PPP2R1B: variants seen among roughly 807,000 people sequenced by gnomAD.
The protein encoded by PPP2R1B is serine/threonine-protein phosphatase 2A 65 kDa regulatory subunit A beta isoform.
Under a neutral mutation model 72.7 loss-of-function variants are expected in PPP2R1B, and 58 were observed. The observed-to-expected ratio is 0.80, with a 90% CI of 0.65 to 0.99. The LOEUF (loss-of-function observed/expected upper bound fraction) is 0.99. Among genes scored for constraint, PPP2R1B ranks in the 50% least tolerant of loss-of-function variants. The pLI, the probability that PPP2R1B is intolerant of heterozygous loss-of-function variation, is 0.00. For missense variants in PPP2R1B, 695 were observed against 733.6 expected, an observed-to-expected ratio of 0.95 and a Z score of 0.61; for synonymous variants, 256 against 264.6, an observed-to-expected ratio of 0.97 and a Z score of 0.32.
At chr11:111,754,161 C>G (rs1384140079) in intron 8 of PPP2R1B, among the ~76,000 whole-genome samples, 1 of 152,182 alleles carries the variant, frequency 6.6e-6, no homozygotes, top group Non-Finnish European at 1.5e-5. Flanking sequence ...AAGAAATCCT[C>G]CCACCTCAGC....
the PPP2R1B span, chr11:111,703,267 A>G: frequency 6.2e-7 from 1 of 1,614,212 alleles, no homozygotes; most frequent in Non-Finnish European, 8.5e-7. Flanking sequence ...CCATAGCCCA[A>G]ATCAAGGAGC....
At position 111,766,307 on chromosome 11, in the gene PPP2R1B, C is replaced by T. The variant is rs1945539790; in HGVS notation, c.55G>A (p.Asp19Asn). 4 of 1,574,672 alleles carry T rather than the reference C, an allele frequency of 2.5e-6. No homozygotes were observed. Among genetic ancestry groups the T allele is most frequent in the Non-Finnish European group, 3.4e-6 (4 of 1,163,812 alleles). ...TGPGAAGGDGDDSLYPIAVLI... is the reference protein window; with the variant it reads ...TGPGAAGGDGNDSLYPIAVLI... ...ACCGCGATCGGGTATAGCGAATCAT[C>T]TCCATCTCCACCCGCTGCTCCTGGG... Residue 19 changes from aspartate to asparagine, a missense_variant, in exon 1 of 15, where the codon GAT becomes AAT. Transcript: ENST00000527614.
Position 111,759,938 on chromosome 11 carries a change from AG to A in PPP2R1B, c.552del (p.Leu185CysfsTer26). 6.2e-7 allele frequency: 1 copy of A among 1,613,992 alleles called. No individual in the cohort carries two copies. The highest frequency in any genetic ancestry group is 1.1e-5 in the South Asian group (1 of 91,018). On this transcript the variant is annotated frameshift_variant, in exon 5 of 15. Transcript: ENST00000527614. LOFTEE classifies it high-confidence loss of function. ...ACCATTGGTGTGTCATCTGAGCACAAGGAACGGAATTGCCTGCAACATAAAA... is the reference window on the plus strand; with the variant it reads ...ACCATTGGTGTGTCATCTGAGCACAAGAACGGAATTGCCTGCAACATAAAA... Reference protein sequence around the residue: ...VKAEIRQQFRSLCSDDTPMVR... With the variant: ...VKAEIRQQFRXLCSDDTPMVR...
chr11:111,759,639 A>G (rs1555050640), intron 5 of PPP2R1B, among the ~76,000 whole-genome samples, 165 bp downstream of exon 5: 3 of 152,242 alleles, frequency 2.0e-5, no homozygotes, highest in Non-Finnish European at 4.4e-5. Context: ...TAAGAAAGAA[A>G]CATAAGAACA....
At chr11:111,722,055 T>A, downstream of PPP2R1B, 1 of 682,778 alleles carries the variant, frequency 1.5e-6, no homozygotes, top group Non-Finnish European at 2.3e-6. The surrounding 1 kb of genome is among the most constrained non-coding windows in gnomAD (Gnocchi z 4.4). Context: ...TGATTCCTTA[T>A]AGGCAAGTAG....
At chr11:111,718,574 GCAAA>G in the PPP2R1B span, among the ~76,000 whole-genome samples, 1 of 152,226 alleles carries the variant, frequency 6.6e-6, no homozygotes, top group African/African-American at 2.4e-5. Flanking sequence ...CCTCCCTGCA[GCAAA>G]CAAAGATCTG....
chr11:111,695,501 T>C, the PPP2R1B span, among the ~76,000 whole-genome samples: 1 of 152,242 alleles, frequency 6.6e-6, no homozygotes, highest in South Asian at 2.1e-4. Flanking sequence ...ATTTAGCAAG[T>C]GTAATCTTTT....
downstream of PPP2R1B, among the ~76,000 whole-genome samples, chr11:111,722,459 A>G (rs1943830622): frequency 6.6e-6 from 1 of 152,170 alleles, no homozygotes; most frequent in Non-Finnish European, 1.5e-5. This position sits in a 1 kb window ranked among gnomAD's most constrained non-coding sequence, Gnocchi z 4.4. Context: ...ATGGAGTGGA[A>G]AAAGGAAGTA....
chr11:111,697,294 AG>A, the PPP2R1B span, among the ~76,000 whole-genome samples: 2 of 152,236 alleles, frequency 1.3e-5, no homozygotes, highest in Non-Finnish European at 2.9e-5. Context: ...CACTTTTAAG[AG>A]GTGGGAACAA....
intron 5 of PPP2R1B, among the ~76,000 whole-genome samples, chr11:111,759,230 G>A (rs1945236420): frequency 6.6e-6 from 1 of 152,138 alleles, no homozygotes; most frequent in African/African-American, 2.4e-5. Flanking sequence ...ATCTCATGGG[G>A]CTGTTGTAAG....
chr11:111,707,156 A>G, the PPP2R1B span, among the ~76,000 whole-genome samples: 3 of 152,144 alleles, frequency 2.0e-5, no homozygotes, highest in Non-Finnish European at 4.4e-5. Context: ...CCTTCTTGCA[A>G]ATGCCACTAG....
chr11:111,714,421 C>T, the PPP2R1B span, among the ~76,000 whole-genome samples: 2 of 152,198 alleles, frequency 1.3e-5, no homozygotes, highest in South Asian at 2.1e-4. Context: ...AGCAAGGAAG[C>T]TCTGGGATCC....
chr11:111,757,862 T>C (rs1555050175), intron 5 of PPP2R1B, among the ~76,000 whole-genome samples: 2 of 151,670 alleles, frequency 1.3e-5, no homozygotes, highest in Non-Finnish European at 2.9e-5. Context: ...AAATTACTTC[T>C]CTTCCAGAAC....
chr11:111,691,474 T>C, the PPP2R1B span, among the ~76,000 whole-genome samples: 1 of 152,126 alleles, frequency 6.6e-6, no homozygotes, highest in Non-Finnish European at 1.5e-5. Context: ...ACACAGATAA[T>C]AAGTAGCAGA....
At chr11:111,698,845 G>T in the PPP2R1B span, among the ~76,000 whole-genome samples, 1 of 152,206 alleles carries the variant, frequency 6.6e-6, no homozygotes, top group Non-Finnish European at 1.5e-5. Context: ...CAGGATCTCT[G>T]AACACACATC....
intron 2 of PPP2R1B, 66 bp downstream of exon 2, chr11:111,765,228 A>G: frequency 2.1e-6 from 3 of 1,440,806 alleles, no homozygotes; most frequent in Middle Eastern, 1.8e-4. Flanking sequence ...ACTCTAAAAA[A>G]GTCAGTGTTG....
rs1217658391 is a variant in PPP2R1B at position 111,738,987 on chromosome 11, T to C, written c.*2609A>G. ...AAGCTGCCAAGGATGAAAAACAACA[T>C]TACATGTCTGAAGCAATCAGACAAA... On this transcript the variant is annotated 3_prime_UTR_variant, in exon 15 of 15. Coordinates refer to ENST00000527614, the MANE Select transcript of PPP2R1B (RefSeq NM_002716.5). 1 of 982,642 alleles carries C rather than the reference T, an allele frequency of 1.0e-6. No homozygotes were observed. Among genetic ancestry groups the C allele is most frequent in the Admixed American group, 6.3e-5 (1 of 15,966 alleles). The allele number at this position is 982,642 out of a possible 1,614,324, so 60.9% of individuals were successfully genotyped here. A position where few individuals can be genotyped will look rare whatever the true frequency, so the allele number is the denominator to read the frequency against.
intron 15 of PPP2R1B, chr11:111,728,108 C>T (rs1304599537): frequency 6.6e-6 from 1 of 152,152 alleles, no homozygotes; most frequent in African/African-American, 2.4e-5. Context: ...CCAGGGCTGA[C>T]CTGCTACACT....
At chr11:111,692,397 G>GGAGAGAGGGAGAGAGAGAGATA in the PPP2R1B span, among the ~76,000 whole-genome samples, 2 of 118,136 alleles carry the variant, frequency 1.7e-5, no homozygotes, top group East Asian at 4.2e-4. Flanking sequence ...AACACAAAAA[G>GGAGAGAGGGAGAGAGAGAGATA]GAGAGAGGGA....
Sources: gnomAD v4.1 joint callset for allele counts (sites outside exome capture counted in the v4.1 genomes callset) on GRCh38, gnomAD v4.1.1 for gene constraint, Gnocchi (gnomAD v3.1) non-coding constraint, MANE v1.5 for transcripts, NCBI Gene and HGNC (gene_info 2026-07-23, HGNC 2026-07-21) for gene names.